TMEM154: variants seen among roughly 807,000 people sequenced by gnomAD.
TMEM154 encodes transmembrane protein 154.
A neutral mutation model predicts 24.5 loss-of-function variants in TMEM154; 27 were observed. The ratio of observed to expected loss-of-function variants is 1.10; its 90% CI spans 0.81 to 1.52. TMEM154 has a LOEUF of 1.52. TMEM154 is among the 40% of genes most tolerant of loss of function. TMEM154 has a pLI of 0.00. For synonymous variants in TMEM154, 67 were observed against 76.8 expected, an observed-to-expected ratio of 0.87 and a Z score of 0.67; for missense variants, 228 against 213.4, an observed-to-expected ratio of 1.07 and a Z score of -0.43.
Position 152,627,288 on chromosome 4 carries a change from A to G in TMEM154, c.*1258T>C, listed in dbSNP as rs986229017. On this transcript the variant is annotated 3_prime_UTR_variant, in exon 7 of 7. Coordinates refer to ENST00000304385, the MANE Select transcript of TMEM154 (RefSeq NM_152680.3). ...GGGTAGTCCCATCTCCCTTCGGTTT[A>G]TATGTGGGTAGTAAAATAAATAAAA... The G allele has an allele frequency of 1.8e-4, 27 of 152,234 alleles. No individual in the cohort carries two copies. Among genetic ancestry groups the G allele is most frequent in the African/African-American group, 4.8e-4 (20 of 41,466 alleles). 9.4% of individuals were successfully genotyped at this position (152,234 alleles called of 1,614,324 possible).
chr4:152,652,312 A>C (rs1384767243), intron 3 of TMEM154, among the ~76,000 whole-genome samples: 1 of 151,974 alleles, frequency 6.6e-6, no homozygotes, highest in Non-Finnish European at 1.5e-5. Flanking sequence ...AAGTGCAATA[A>C]AGCAAAGTGC....
At chr4:152,675,325 T>C (rs762791470) in intron 1 of TMEM154, among the ~76,000 whole-genome samples, 2 of 151,522 alleles carry the variant, frequency 1.3e-5, no homozygotes, top group Non-Finnish European at 2.9e-5. Flanking sequence ...AAGCACAATG[T>C]GTATAAAAAA....
chr4:152,642,073 C>T (rs1163625496), intron 5 of TMEM154, among the ~76,000 whole-genome samples: 2 of 151,718 alleles, frequency 1.3e-5, no homozygotes, highest in East Asian at 3.9e-4. Flanking sequence ...CAGACATGTG[C>T]CACACCCAGC....
chr4:152,624,163 A>C lies in TMEM154; in HGVS notation c.*4383T>G, dbSNP rs1751880890. The C allele has an allele frequency of 6.6e-6, 1 of 152,182 alleles. No individual in the cohort carries two copies. The highest frequency in any genetic ancestry group is 2.4e-5 in the African/African-American group (1 of 41,444). The allele number at this position is 152,182 out of a possible 1,614,324, so 9.4% of individuals were successfully genotyped here. On this transcript the variant is annotated 3_prime_UTR_variant, in exon 7 of 7. Coordinates refer to ENST00000304385, the MANE Select transcript of TMEM154 (RefSeq NM_152680.3). Reference sequence around the variant, plus strand: ...CACTTTGGTTTAGAAACTTCTTAAAATATCATTCAAAAAGAGCTTAGAGCA... The same window carrying C: ...CACTTTGGTTTAGAAACTTCTTAAACTATCATTCAAAAAGAGCTTAGAGCA...
intron 6 of TMEM154, among the ~76,000 whole-genome samples, chr4:152,639,407 A>G (rs1439185695): frequency 6.6e-6 from 1 of 152,242 alleles, no homozygotes; most frequent in East Asian, 1.9e-4. Flanking sequence ...GTGATAGAGT[A>G]ATAAGATACT....
chr4:152,661,331 TCTCTCTC>T (rs1728605365), intron 1 of TMEM154, among the ~76,000 whole-genome samples: 3 of 118,346 alleles, frequency 2.5e-5, no homozygotes, highest in African/African-American at 9.6e-5. Flanking sequence ...TCTCTCTCTC[TCTCTCTC>T]TCTCCCCCCA....
At chr4:152,639,464 C>T (rs1435981693) in intron 6 of TMEM154, among the ~76,000 whole-genome samples, 1 of 152,160 alleles carries the variant, frequency 6.6e-6, no homozygotes, top group African/African-American at 2.4e-5. Context: ...CTATACCAGA[C>T]ATATATAGTT....
At chr4:152,634,048 A>G (rs1006967300) in intron 6 of TMEM154, among the ~76,000 whole-genome samples, 4 of 151,254 alleles carry the variant, frequency 2.6e-5, no homozygotes, top group African/African-American at 7.3e-5. Context: ...AAAAAAAAAA[A>G]AAAAAAAAAG....
At chr4:152,671,020 AG>A (rs980057045) in intron 1 of TMEM154, among the ~76,000 whole-genome samples, 15 of 152,312 alleles carry the variant, frequency 9.8e-5, no homozygotes, top group Non-Finnish European at 1.9e-4. Flanking sequence ...AGTACATGGG[AG>A]AGGAAGACAT....
intron 6 of TMEM154, 76 bp from the exon 7 acceptor site, chr4:152,628,637 T>TA: frequency 6.6e-6 from 8 of 1,215,886 alleles, no homozygotes; most frequent in East Asian, 4.2e-5. Context: ...TATATTTCTT[T>TA]CTTTTTTTTT....
intron 1 of TMEM154, among the ~76,000 whole-genome samples, chr4:152,661,036 G>T (rs972332312): frequency 6.6e-6 from 1 of 152,152 alleles, no homozygotes; most frequent in African/African-American, 2.4e-5. Flanking sequence ...TAGACAATCG[G>T]GAATAAAAGA....
intron 4 of TMEM154, 76 bp from the exon 5 acceptor site, chr4:152,643,249 T>C (rs1752291019): frequency 8.9e-7 from 1 of 1,120,962 alleles, no homozygotes; most frequent in Non-Finnish European, 1.3e-6. Flanking sequence ...GAGACTAGAA[T>C]GCTGATCCTG....
At chr4:152,652,126 T>C (rs1398646321) in intron 3 of TMEM154, among the ~76,000 whole-genome samples, 1 of 147,520 alleles carries the variant, frequency 6.8e-6, no homozygotes, top group Non-Finnish European at 1.5e-5. Context: ...CAGATCACCA[T>C]AACAGGCATA....
intron 3 of TMEM154, among the ~76,000 whole-genome samples, chr4:152,652,003 G>A (rs988634296): frequency 6.6e-6 from 1 of 152,204 alleles, no homozygotes; most frequent in Non-Finnish European, 1.5e-5. Flanking sequence ...TGGCTTGTTG[G>A]TGAAGCAGTC....
Position 152,622,363 on chromosome 4 carries a change from T to C in TMEM154, c.*6183A>G, listed in dbSNP as rs1579502824. ...AAGAGGGCAATTAAGAATTATGAAT[T>C]ATGAATTCTTTTTCATAGACACAGA... is the stretch of plus-strand genomic sequence containing the variant. On this transcript the variant is annotated 3_prime_UTR_variant, in exon 7 of 7. Transcript: ENST00000304385. 1 of 152,186 alleles carries C rather than the reference T, an allele frequency of 6.6e-6. No individual in the cohort carries two copies. Among genetic ancestry groups the C allele is most frequent in the African/African-American group, 2.4e-5 (1 of 41,460 alleles). The allele number at this position is 152,186 out of a possible 1,614,324, so 9.4% of individuals were successfully genotyped here.
chr4:152,676,052 G>C (rs1190227041), intron 1 of TMEM154, among the ~76,000 whole-genome samples: 3 of 152,130 alleles, frequency 2.0e-5, no homozygotes, highest in Non-Finnish European at 2.9e-5. Context: ...CTCCTCGCTG[G>C]TTCCCACACC....
rs114690842 is a variant in TMEM154, at chr4:152,629,666, C to T, written c.537-1105G>A. Reference sequence around the variant, plus strand: ...CCAAGGGAGCTTGAATGATAATGATCGACAGATCTGGTATCTCCCTCGCTC... The same window carrying T: ...CCAAGGGAGCTTGAATGATAATGATTGACAGATCTGGTATCTCCCTCGCTC... On this transcript the variant is annotated intron_variant, in intron 6 of 6. Transcript: ENST00000304385. Among the ~76,000 whole-genome samples, 914 of 152,266 alleles carry T rather than the reference C, an allele frequency of 6.0e-3. 9 individuals carry two copies. Among genetic ancestry groups the T allele is most frequent in the African/African-American group, 0.02 (845 of 41,556 alleles).
chr4:152,639,828 T>G (rs188053628), intron 6 of TMEM154: 1 of 153,114 alleles, frequency 6.5e-6, no homozygotes, highest in East Asian at 1.9e-4. Context: ...GCAATAATCT[T>G]AACATGAAAA....
At chr4:152,645,422 C>T (rs910060844) in intron 3 of TMEM154, among the ~76,000 whole-genome samples, 2 of 152,158 alleles carry the variant, frequency 1.3e-5, no homozygotes, top group Non-Finnish European at 2.9e-5. Flanking sequence ...CTGTAATGCA[C>T]ATCAGACTCC....
Sources: allele counts gnomAD v4.1 joint callset (sites outside exome capture counted in the v4.1 genomes callset), GRCh38; gene constraint gnomAD v4.1.1; transcripts MANE v1.5; gene names NCBI Gene and HGNC (gene_info 2026-07-23, HGNC 2026-07-21).